Variants in HDX observed in about 807,000 individuals in gnomAD.
The protein encoded by HDX is chromosome X open reading frame 43.
Under a neutral mutation model 45.2 loss-of-function variants are expected in HDX, and 19 were observed. That is an observed-to-expected ratio of 0.42 (90% confidence interval 0.29 to 0.62). The LOEUF is 0.62. Ranked by LOEUF, HDX falls within the 20% of genes least tolerant of loss-of-function variation. The pLI, the probability that HDX is intolerant of heterozygous loss-of-function variation, is 0.20. For synonymous variants in HDX, 188 were observed against 172.8 expected, an observed-to-expected ratio of 1.09 and a Z score of -0.69; for missense variants, 532 against 493.9, an observed-to-expected ratio of 1.08 and a Z score of -0.73.
At chrX:84,375,626 C>T (rs1296810674) in intron 5 of HDX, among the ~76,000 whole-genome samples, 5 of 110,316 alleles carry the variant, frequency 4.5e-5, no homozygotes, top group Middle Eastern at 9.3e-3. Flanking sequence ...TCATCATTCT[C>T]AGCAAACTAT....
At chrX:84,437,822 A>C (rs1462516614) in intron 5 of HDX, among the ~76,000 whole-genome samples, 2 of 111,284 alleles carry the variant, frequency 1.8e-5, no homozygotes, top group Non-Finnish European at 3.8e-5. Flanking sequence ...AGAGGAAGTA[A>C]TTATCTTGCT....
rs900828511 is a variant in HDX at position 84,458,879 on chromosome X, A to T, written c.1251+9593T>A. ...GTCATACTTCATTTTACTGCAATGA[A>T]TAAGTGCTTTCAGAAAAAAAAAGAA... On this transcript the variant is annotated intron_variant, in intron 4 of 10. Transcript: ENST00000373177. 3.6e-5 allele frequency among the ~76,000 whole-genome samples: 4 copies of T among 112,018 alleles called. No homozygotes were observed. The East Asian group carries it at 1.1e-3, about 31-fold the overall frequency.
rs964996829 is a variant in HDX, at chrX:84,344,284, T to C, written c.1626A>G (p.Glu542=). 2 of 1,207,930 alleles carry C rather than the reference T, an allele frequency of 1.7e-6. No individual in the cohort carries two copies. Among genetic ancestry groups the C allele is most frequent in the Admixed American group, 4.4e-5 (2 of 45,759 alleles). ...EVGEDNDRND[E]VSICLSEGSS... ...TTCCTTCAGACAAACAGATGGATACTTCATCATTTCTGTCATTATCCTCTC... is the reference window on the plus strand; with the variant it reads ...TTCCTTCAGACAAACAGATGGATACCTCATCATTTCTGTCATTATCCTCTC... Residue 542 remains glutamate (E), a synonymous_variant, in exon 7 of 11, where the codon GAA becomes GAG. Transcript: ENST00000373177.
At chrX:84,446,909 G>A (rs1255529780) in intron 4 of HDX, among the ~76,000 whole-genome samples, 1 of 111,746 alleles carries the variant, frequency 8.9e-6, no homozygotes, top group Non-Finnish European at 1.9e-5. Context: ...GTGTGAGGTG[G>A]ACTGAATTTG....
chrX:84,476,058 T>C (rs2040543591), intron 2 of HDX, among the ~76,000 whole-genome samples: 1 of 111,668 alleles, frequency 9.0e-6, no homozygotes, highest in African/African-American at 3.3e-5. Context: ...ATAAACCATG[T>C]TAAAACTATG....
At chrX:84,448,581 C>T (rs1424887836) in intron 4 of HDX, among the ~76,000 whole-genome samples, 1 of 109,497 alleles carries the variant, frequency 9.1e-6, no homozygotes, top group Non-Finnish European at 1.9e-5. Flanking sequence ...TGCTAATGGA[C>T]ACACCGAGAA....
intron 9 of HDX, among the ~76,000 whole-genome samples, chrX:84,333,411 G>T (rs1398486841): frequency 1.8e-5 from 2 of 111,028 alleles, no homozygotes; most frequent in African/African-American, 6.5e-5. Flanking sequence ...AATTAGCAAA[G>T]TCCACTGGAA....
chrX:84,332,598 G>C (rs2036869034), intron 9 of HDX, among the ~76,000 whole-genome samples: 1 of 110,924 alleles, frequency 9.0e-6, no homozygotes, highest in Non-Finnish European at 1.9e-5. Flanking sequence ...CTTAACAGCT[G>C]TGCAATCTAG....
At chrX:84,344,201 G>T in intron 7 of HDX, 49 bp downstream of exon 7, 1 of 960,251 alleles carries the variant, frequency 1.0e-6, no homozygotes, top group Non-Finnish European at 1.5e-6. Context: ...AGTACAAAAT[G>T]CATCAAATTT....
chrX:84,481,866 C>T (rs1170919263), intron 2 of HDX, among the ~76,000 whole-genome samples: 2 of 111,059 alleles, frequency 1.8e-5, no homozygotes, highest in Non-Finnish European at 3.8e-5. Flanking sequence ...TGACTGCCTC[C>T]ATCCCTCCCC....
intron 5 of HDX, among the ~76,000 whole-genome samples, chrX:84,422,510 A>C (rs1278645856): frequency 9.0e-6 from 1 of 111,112 alleles, no homozygotes; most frequent in Non-Finnish European, 1.9e-5. Context: ...GGATCTGAAT[A>C]AACATTAATT....
rs758431626 is a variant in HDX at position 84,444,392 on chromosome X, AAAG to A, written c.1252-3810_1252-3808del. ...GATGTCTATGTGTGTACAGTAAATTAAAGAAGTACAAAAACTATTATAATAGTT... is the reference window on the plus strand; with the variant it reads ...GATGTCTATGTGTGTACAGTAAATTAAAGTACAAAAACTATTATAATAGTT... On this transcript the variant is annotated intron_variant, in intron 4 of 10. Transcript: ENST00000373177. Among the ~76,000 whole-genome samples the A allele has an allele frequency of 1.5e-3, 170 of 111,435 alleles. 1 individual carries two copies. The South Asian group carries it at 0.017, about 11-fold the overall frequency.
At chrX:84,337,310 T>C (rs2036987924) in intron 7 of HDX, among the ~76,000 whole-genome samples, 1 of 111,413 alleles carries the variant, frequency 9.0e-6, no homozygotes, top group South Asian at 3.6e-4. Flanking sequence ...TTTTAAAATA[T>C]ATAAACTTCA....
At chrX:84,495,438 C>T (rs968557876) in intron 1 of HDX, among the ~76,000 whole-genome samples, 1 of 111,245 alleles carries the variant, frequency 9.0e-6, no homozygotes, top group Non-Finnish European at 1.9e-5. Flanking sequence ...TATCCAATCA[C>T]CATGTTACAC....
chrX:84,440,345 A>C, intron 5 of HDX, 187 bp downstream of exon 5: 1 of 403,241 alleles, frequency 2.5e-6, no homozygotes, highest in Non-Finnish European at 4.3e-6. Flanking sequence ...TGAGTACTAC[A>C]TTATAATTAA....
intron 5 of HDX, among the ~76,000 whole-genome samples, chrX:84,414,122 T>C (rs776164489): frequency 2.7e-5 from 3 of 111,881 alleles, no homozygotes; most frequent in African/African-American, 9.7e-5. Flanking sequence ...TACTGCCAGC[T>C]AGTGAAGTCC....
chrX:84,380,127 A>G (rs1412456306), intron 5 of HDX, among the ~76,000 whole-genome samples: 2 of 110,601 alleles, frequency 1.8e-5, no homozygotes, highest in Non-Finnish European at 3.8e-5. Context: ...GCAGAAATGT[A>G]CAAATTCTTA....
chrX:84,356,747 C>T (rs1037359802), intron 6 of HDX, among the ~76,000 whole-genome samples: 2 of 107,518 alleles, frequency 1.9e-5, no homozygotes, highest in Non-Finnish European at 3.8e-5. Context: ...CTCAGCTTCC[C>T]GAGTAGCTGG....
At chrX:84,322,084 G>T in intron 10 of HDX, 70 bp from the exon 11 acceptor site, 1 of 632,184 alleles carries the variant, frequency 1.6e-6, no homozygotes. Flanking sequence ...ATTAATAGTT[G>T]TAGTCCTCCC....
Sources: allele counts gnomAD v4.1 joint callset (sites outside exome capture counted in the v4.1 genomes callset), GRCh38; gene constraint gnomAD v4.1.1; transcripts MANE v1.5; gene names NCBI Gene and HGNC (gene_info 2026-07-23, HGNC 2026-07-21).